SH3BGRL2: variants seen among roughly 807,000 people sequenced by gnomAD.
SH3BGRL2 encodes SH3 domain binding glutamate rich protein like 2, also known as SH3 domain-binding glutamic acid-rich-like protein 2.
SH3BGRL2 carries 21 observed loss-of-function variants against 14.8 expected under a neutral mutation model. The observed-to-expected ratio is 1.42, with a 90% CI of 1.01 to 2.05. The LOEUF (loss-of-function observed/expected upper bound fraction) is 2.05, where lower values mean the gene tolerates loss of function less well. Ranked by LOEUF, SH3BGRL2 falls within the 30% of genes most tolerant of loss-of-function variation. The pLI is 0.00. For missense variants in SH3BGRL2, 147 were observed against 130.8 expected, an observed-to-expected ratio of 1.12 and a Z score of -0.61; for synonymous variants, 50 against 47.8, an observed-to-expected ratio of 1.05 and a Z score of -0.19.
At chr6:79,559,484 T>C in the SH3BGRL2 span, among the ~76,000 whole-genome samples, 7 of 152,120 alleles carry the variant, frequency 4.6e-5, no homozygotes, top group Non-Finnish European at 1.5e-5. Flanking sequence ...AATGGTCTAT[T>C]AAAGATGTCA....
At chr6:79,613,430 G>A in the SH3BGRL2 span, among the ~76,000 whole-genome samples, 1 of 152,250 alleles carries the variant, frequency 6.6e-6, no homozygotes, top group Admixed American at 6.5e-5. Context: ...CACTATATTA[G>A]TCCATAGTTT....
chr6:79,677,644 G>T (rs917044054), intron 2 of SH3BGRL2, among the ~76,000 whole-genome samples: 3 of 152,118 alleles, frequency 2.0e-5, no homozygotes, highest in Non-Finnish European at 4.4e-5. Flanking sequence ...AATTCCTTCT[G>T]TTTTCTAAAC....
the SH3BGRL2 span, among the ~76,000 whole-genome samples, chr6:79,572,757 G>C: frequency 6.6e-6 from 1 of 152,158 alleles, no homozygotes; most frequent in African/African-American, 2.4e-5. Context: ...GAGCCACTGC[G>C]CCTGGCCTAT....
chr6:79,586,485 C>T, the SH3BGRL2 span, among the ~76,000 whole-genome samples: 1 of 151,948 alleles, frequency 6.6e-6, no homozygotes, highest in Non-Finnish European at 1.5e-5. Context: ...TTAACAAGTT[C>T]TAGCATGTAT....
Position 79,696,507 on chromosome 6 carries a change from C to A in SH3BGRL2, c.254C>A (p.Ser85Tyr). 1 of 1,583,242 alleles carries A rather than the reference C, an allele frequency of 6.3e-7. No homozygotes were observed. The highest frequency in any genetic ancestry group is 1.2e-5 in the South Asian group (1 of 84,032). Residue 85 changes from serine (S) to tyrosine (Y), a missense_variant, in exon 3 of 4, where the codon TCC becomes TAC. Physicochemically the swap from Ser to Tyr is moderately radical, Grantham distance 144 (BLOSUM62 -2). Coordinates refer to ENST00000369838, the MANE Select transcript of SH3BGRL2 (RefSeq NM_031469.4). ...TAGGATTATGACAGTTTTTTTGAAT[C>A]CAAGGAAAGCAACACAGTCTTTTCA... ...YCGDYDSFFE[S>Y]KESNTVFSFL...
At chr6:79,577,887 A>T in the SH3BGRL2 span, among the ~76,000 whole-genome samples, 2 of 152,232 alleles carry the variant, frequency 1.3e-5, no homozygotes, top group African/African-American at 2.4e-5. Flanking sequence ...GCTGTGACAG[A>T]CTACCTGGGA....
chr6:79,613,315 T>C, the SH3BGRL2 span, among the ~76,000 whole-genome samples: 1 of 152,218 alleles, frequency 6.6e-6, no homozygotes, highest in Admixed American at 6.5e-5. Context: ...AGCAGGCCTT[T>C]GTGCCTAAAA....
the SH3BGRL2 span, among the ~76,000 whole-genome samples, chr6:79,612,374 A>C: frequency 6.6e-6 from 1 of 152,130 alleles, no homozygotes; most frequent in Non-Finnish European, 1.5e-5. Context: ...ATTAAATTCT[A>C]TTCTCCCAAT....
the SH3BGRL2 span, among the ~76,000 whole-genome samples, chr6:79,598,272 C>T: frequency 6.6e-6 from 1 of 152,072 alleles, no homozygotes; most frequent in African/African-American, 2.4e-5. Context: ...AAATATATAT[C>T]CACACAAAAA....
chr6:79,641,253 T>G (rs761816884), intron 1 of SH3BGRL2, among the ~76,000 whole-genome samples: 1 of 152,052 alleles, frequency 6.6e-6, no homozygotes, highest in Non-Finnish European at 1.5e-5. Flanking sequence ...TTAATAATTA[T>G]GTTCATTAGC....
chr6:79,649,481 A>C (rs1339161074), intron 1 of SH3BGRL2, among the ~76,000 whole-genome samples: 1 of 152,164 alleles, frequency 6.6e-6, no homozygotes, highest in African/African-American at 2.4e-5. Context: ...TTAATTTCCA[A>C]TTCCAGGAGA....
chr6:79,621,405 C>T, the SH3BGRL2 span, among the ~76,000 whole-genome samples: 1 of 152,188 alleles, frequency 6.6e-6, no homozygotes, highest in South Asian at 2.1e-4. Context: ...CTAGCCCCTT[C>T]TACCCTGTGA....
At chr6:79,586,263 C>A in the SH3BGRL2 span, among the ~76,000 whole-genome samples, 1 of 15,178 alleles carries the variant, frequency 6.6e-5, no homozygotes, top group African/African-American at 2.6e-4. Context: ...TTTTTTTTTG[C>A]TCATTAGCTA....
At chr6:79,560,721 A>AAGG in the SH3BGRL2 span, among the ~76,000 whole-genome samples, 1 of 152,176 alleles carries the variant, frequency 6.6e-6, no homozygotes, top group Non-Finnish European at 1.5e-5. Context: ...TTTTCATTGC[A>AAGG]AGGAGCAGAA....
In SH3BGRL2 at chr6:79,647,437, A is replaced by T. The variant is rs1294712270; in HGVS notation, c.45+15931A>T. On this transcript the variant is annotated intron_variant, in intron 1 of 3. Transcript: ENST00000369838. ...TCTTTAGGGAATATATATTTTGGAA[A>T]TTAATGGGTTAATCAACTCCTATGT... is the stretch of plus-strand genomic sequence containing the variant. Among the ~76,000 whole-genome samples, 11 of 152,202 alleles carry T rather than the reference A, an allele frequency of 7.2e-5. No individual in the cohort carries two copies. The East Asian group carries it at 2.1e-3, about 29-fold the overall frequency.
chr6:79,665,025 C>A (rs1014771474), intron 1 of SH3BGRL2, among the ~76,000 whole-genome samples: 7 of 152,110 alleles, frequency 4.6e-5, no homozygotes, highest in South Asian at 4.1e-4. Flanking sequence ...CATGGTGAAA[C>A]CTCGTCTCTA....
chr6:79,601,826 ATATTTATTT>A, the SH3BGRL2 span, among the ~76,000 whole-genome samples: 35 of 152,278 alleles, frequency 2.3e-4, no homozygotes, highest in African/African-American at 8.4e-4. Context: ...GAAGGTTATT[ATATTTATTT>A]TATTTATTTT....
chr6:79,629,739 C>T (rs1272722666), upstream of SH3BGRL2, among the ~76,000 whole-genome samples: 2 of 152,158 alleles, frequency 1.3e-5, no homozygotes, highest in African/African-American at 2.4e-5. Flanking sequence ...TGTATTAGTA[C>T]AGTGTGTCTT....
At chr6:79,579,173 T>C in the SH3BGRL2 span, among the ~76,000 whole-genome samples, 3 of 152,196 alleles carry the variant, frequency 2.0e-5, no homozygotes, top group Admixed American at 6.5e-5. Context: ...CTATATTTGT[T>C]TGGTGTATCT....
Sources: allele counts gnomAD v4.1 joint callset (sites outside exome capture counted in the v4.1 genomes callset), GRCh38; gene constraint gnomAD v4.1.1; transcripts MANE v1.5; gene names NCBI Gene and HGNC (gene_info 2026-07-23, HGNC 2026-07-21).